Variants in PLLP observed in about 807,000 individuals in gnomAD.
PLLP encodes plasmolipin.
PLLP carries 15 observed loss-of-function variants against 19.7 expected under a neutral mutation model. The ratio of observed to expected loss-of-function variants is 0.76; its 90% CI spans 0.51 to 1.17. The LOEUF is 1.17. PLLP is among the 50% of genes most tolerant of loss of function. PLLP has a pLI of 0.00. For synonymous variants in PLLP, 111 were observed against 116.3 expected (o/e 0.95, Z 0.29); for missense variants, 255 against 258.3 (o/e 0.99, Z 0.09).
chr16:57,276,815 T>G (rs757000820), intron 1 of PLLP, among the ~76,000 whole-genome samples: 8 of 152,040 alleles, frequency 5.3e-5, no homozygotes, highest in Non-Finnish European at 7.4e-5. Context: ...GCATGTATCC[T>G]CCCACCCAGT....
chr16:57,275,704 A>G (rs2146448831), intron 1 of PLLP, among the ~76,000 whole-genome samples: 1 of 151,180 alleles, frequency 6.6e-6, no homozygotes, highest in African/African-American at 2.4e-5. Flanking sequence ...CAAACAAATT[A>G]GGAAAGAAAT....
Position 57,284,524 on chromosome 16 carries a change from G to T in PLLP, c.17C>A (p.Ser6Ter), listed in dbSNP as rs754045172. The stretch of plus-strand genomic sequence containing the variant: ...ACTGCTGGTCCGCGTGCTAACTTTC[G>T]ACGGGAACTCGGCCATGGCGGCTCC... MAEFP[S>*]KVSTRTSSPA... The change falls in exon 1 of 4, where the codon TCG becomes TAG. Residue 6 changes from serine to a stop codon, truncating the protein, a stop_gained. Coordinates refer to ENST00000219207, the MANE Select transcript of PLLP (RefSeq NM_015993.3). LOFTEE classifies it high-confidence loss of function. 2.9e-6 allele frequency: 4 copies of T among 1,389,264 alleles called. No individual in the cohort carries two copies. The highest frequency in any genetic ancestry group is 3.8e-6 in the Non-Finnish European group (4 of 1,061,474). The allele number at this position is 1,389,264 out of a possible 1,614,324, so 86.1% of individuals were successfully genotyped here. A position where few individuals can be genotyped will look rare whatever the true frequency, so the allele number is the denominator to read the frequency against.
Position 57,256,777 on chromosome 16 carries a change from A to G in PLLP, c.*136T>C. ...TTAGCGCTGTGAGAGCTTATGTCTG[A>G]CGGGCAGAGAGGAGCAAATGCAGTC... On this transcript the variant is annotated 3_prime_UTR_variant, in exon 4 of 4. Transcript: ENST00000219207. The G allele has an allele frequency of 1.6e-6, 1 of 631,790 alleles. No homozygotes were observed. The highest frequency in any genetic ancestry group is 2.8e-6 in the Non-Finnish European group (1 of 356,340). The allele number at this position is 631,790 out of a possible 1,614,324, so 39.1% of individuals were successfully genotyped here. A position where few individuals can be genotyped will look rare whatever the true frequency, so the allele number is the denominator to read the frequency against.
intron 1 of PLLP, among the ~76,000 whole-genome samples, chr16:57,279,704 ACT>A (rs1490825016): frequency 2.0e-5 from 3 of 149,586 alleles, no homozygotes; most frequent in African/African-American, 7.4e-5. Flanking sequence ...TAGGGGTCTT[ACT>A]CTGTCACCCA....
At chr16:57,270,511 C>A (rs1597962687) in intron 1 of PLLP, among the ~76,000 whole-genome samples, 1 of 152,012 alleles carries the variant, frequency 6.6e-6, no homozygotes, top group East Asian at 1.9e-4. Context: ...TCACTGGGGA[C>A]ACATCTGGGC....
intron 2 of PLLP, among the ~76,000 whole-genome samples, chr16:57,258,832 GA>G (rs1230968409): frequency 1.4e-5 from 2 of 138,846 alleles, no homozygotes; most frequent in Non-Finnish European, 3.0e-5. Flanking sequence ...GAGATGGGAA[GA>G]TCACCTGGAG....
chr16:57,283,906 G>A (rs1484105294), intron 1 of PLLP, among the ~76,000 whole-genome samples: 2 of 152,194 alleles, frequency 1.3e-5, no homozygotes, highest in Admixed American at 6.5e-5. Context: ...TCATGGGTGC[G>A]GCCACCCGGA....
In PLLP at chr16:57,258,558, G is replaced by T. The variant is rs559935564; in HGVS notation, c.336C>A (p.Thr112=). 1 of 1,613,328 alleles carries T rather than the reference G, an allele frequency of 6.2e-7. No homozygotes were observed. The highest frequency in any genetic ancestry group is 1.3e-5 in the African/African-American group (1 of 75,028). The change falls in exon 3 of 4, where the codon ACC becomes ACA. Residue 112 remains threonine, a synonymous_variant. Transcript: ENST00000219207. ...CGATGAAGGCGGTGATGTAGAGAACGGTGGCGCTGATGTTAAAGATCATTA... is the reference window on the plus strand; with the variant it reads ...CGATGAAGGCGGTGATGTAGAGAACTGTGGCGCTGATGTTAAAGATCATTA... ...LVLMIFNISA[T]VLYITAFIAC...
At position 57,270,892 on chromosome 16, in the gene PLLP, T is replaced by C. The variant is rs553555976; in HGVS notation, c.136-8822A>G. On this transcript the variant is annotated intron_variant, in intron 1 of 3. Transcript: ENST00000219207. ...TCTTTTCTCGTCGGAAAAATGGGCA[T>C]GTAAGTTGCCAAACGGAGTCATTCA... 1.5e-3 allele frequency among the ~76,000 whole-genome samples: 228 copies of C among 152,256 alleles called. 1 individual carries two copies. The highest frequency in any genetic ancestry group is 3.6e-3 in the Admixed American group (55 of 15,296).
intron 1 of PLLP, among the ~76,000 whole-genome samples, chr16:57,265,071 AC>A (rs1286359721): frequency 6.6e-6 from 1 of 151,478 alleles, no homozygotes; most frequent in African/African-American, 2.4e-5. Flanking sequence ...CCAGGGATCC[AC>A]CCCCCAACAC....
chr16:57,284,390 C>A lies in PLLP; in HGVS notation c.135+16G>T. 1 of 1,376,980 alleles carries A rather than the reference C, an allele frequency of 7.3e-7. No homozygotes were observed. Among genetic ancestry groups the A allele is most frequent in the South Asian group, 1.6e-5 (1 of 63,430 alleles). 85.3% of individuals were successfully genotyped at this position (1,376,980 alleles called of 1,614,324 possible). ...GGAGCCCCCGGCCAACCCCGTGGGC[C>A]CGCGCGTGCTCTCACCAGCTGCAGC... On this transcript the variant is annotated intron_variant, in intron 1 of 3. Coordinates refer to ENST00000219207, the MANE Select transcript of PLLP (RefSeq NM_015993.3).
intron 1 of PLLP, among the ~76,000 whole-genome samples, chr16:57,265,733 G>C (rs1342030844): frequency 1.3e-5 from 2 of 152,224 alleles, no homozygotes; most frequent in Non-Finnish European, 2.9e-5. Flanking sequence ...TGTGGGTAAA[G>C]GACAGGGCAG....
At position 57,262,061 on chromosome 16, in the gene PLLP, G is replaced by GC. The variant is rs1367953962; in HGVS notation, c.144dup (p.Leu49AlafsTer60). On this transcript the variant is annotated frameshift_variant, in exon 2 of 4. Transcript: ENST00000219207. LOFTEE classifies it high-confidence loss of function. ...TCCGCAATCAGCGCCCACACCAGCA[G>GC]CCCCAGCACCTAGGAGGGTCAGACA... 6.2e-7 allele frequency: 1 copy of GC among 1,614,168 alleles called. No individual in the cohort carries two copies.
intron 1 of PLLP, among the ~76,000 whole-genome samples, chr16:57,266,931 A>G (rs2075459506): frequency 7.0e-6 from 1 of 143,108 alleles, no homozygotes; most frequent in Non-Finnish European, 1.5e-5. Context: ...TTTTTTTTAC[A>G]TATGAAGACT....
intron 1 of PLLP, among the ~76,000 whole-genome samples, chr16:57,265,444 G>A (rs543978674): frequency 6.6e-5 from 10 of 152,318 alleles, no homozygotes; most frequent in Non-Finnish European, 1.5e-4. Flanking sequence ...ATGGGCCTCC[G>A]CTGCCACTGT....
In PLLP at chr16:57,256,534, C is replaced by T. The variant is rs912842238; in HGVS notation, c.*379G>A. On this transcript the variant is annotated 3_prime_UTR_variant, in exon 4 of 4. Transcript: ENST00000219207. The stretch of plus-strand genomic sequence containing the variant: ...CGTGTTGCTTGTTAGGCTTATACTA[C>T]GGCGGGTCTGGGGCTGCAGGTCTGG... 1.3e-4 allele frequency: 28 copies of T among 214,226 alleles called. No individual in the cohort carries two copies. The highest frequency in any genetic ancestry group is 4.8e-4 in the African/African-American group (21 of 43,940). The allele number at this position is 214,226 out of a possible 1,614,324, so 13.3% of individuals were successfully genotyped here.
intron 1 of PLLP, among the ~76,000 whole-genome samples, chr16:57,265,982 C>T (rs893465904): frequency 1.3e-5 from 2 of 152,048 alleles, no homozygotes; most frequent in South Asian, 2.1e-4. Context: ...GTCATGATGG[C>T]GCCACTGCAC....
chr16:57,283,494 T>C (rs930069902), intron 1 of PLLP, among the ~76,000 whole-genome samples: 8 of 152,202 alleles, frequency 5.3e-5, no homozygotes, highest in Non-Finnish European at 7.3e-5. Flanking sequence ...ATACAGGTCC[T>C]GGCCCAACTC....
intron 1 of PLLP, among the ~76,000 whole-genome samples, chr16:57,264,687 A>G (rs1301665549): frequency 6.6e-6 from 1 of 152,076 alleles, no homozygotes; most frequent in Non-Finnish European, 1.5e-5. Context: ...TCTCTGCCAA[A>G]TACTTTAAAA....
Sources: gnomAD v4.1 joint callset for allele counts (sites outside exome capture counted in the v4.1 genomes callset) on GRCh38, gnomAD v4.1.1 for gene constraint, MANE v1.5 for transcripts, NCBI Gene and HGNC (gene_info 2026-07-23, HGNC 2026-07-21) for gene names.